E2F7: variants seen among roughly 807,000 people sequenced by gnomAD.
The protein encoded by E2F7 is transcription factor E2F7.
In E2F7, 35 loss-of-function variants were observed where a neutral mutation model predicts 81.1. The observed-to-expected ratio is 0.43, with a 90% CI of 0.33 to 0.57. The LOEUF (loss-of-function observed/expected upper bound fraction) is 0.57. Ranked by LOEUF, E2F7 falls within the 20% of genes least tolerant of loss-of-function variation. The pLI, the probability that E2F7 is intolerant of heterozygous loss-of-function variation, is 0.04. For missense variants in E2F7, 961 were observed against 1,093.7 expected (o/e 0.88, Z 1.71); for synonymous variants, 416 against 416.2 (o/e 1.00, Z 0.01).
chr12:77,050,563 T>A lies in E2F7; in HGVS notation c.538+13A>T. 6.2e-7 allele frequency: 1 copy of A among 1,611,782 alleles called. No individual in the cohort carries two copies. Among genetic ancestry groups the A allele is most frequent in the South Asian group, 1.1e-5 (1 of 90,818 alleles). On this transcript the variant is annotated intron_variant, in intron 4 of 12. Transcript: ENST00000322886. ...ACTGGAGACAGACCTCCAGGTAATC[T>A]GATGATACATACCAAGACTGACAGC...
At position 77,027,882 on chromosome 12, in the gene E2F7, C is replaced by T; in HGVS notation, c.2140+1G>A. On this transcript the variant is annotated splice_donor_variant, in intron 11 of 12. Coordinates refer to ENST00000322886, the MANE Select transcript of E2F7 (RefSeq NM_203394.3). LOFTEE classifies it high-confidence loss of function. The stretch of plus-strand genomic sequence containing the variant: ...CTCTAAGACATGATGACATCCCTTA[C>T]CTGCAGGAGACTGCACACAAAGATA... 1 of 1,613,770 alleles carries T rather than the reference C, an allele frequency of 6.2e-7. No individual in the cohort carries two copies. Among genetic ancestry groups the T allele is most frequent in the Non-Finnish European group, 8.5e-7 (1 of 1,179,910 alleles).
intron 10 of E2F7, among the ~76,000 whole-genome samples, chr12:77,028,718 C>G (rs912563466): frequency 1.3e-5 from 2 of 152,178 alleles, no homozygotes; most frequent in African/African-American, 4.8e-5. Context: ...CGGTGATCCG[C>G]CCGCCTCGGC....
chr12:77,022,780 C>T lies in E2F7; in HGVS notation c.*1235G>A, dbSNP rs1954723765. Reference sequence around the variant, plus strand: ...AGTATAGTTTGGCGACTTAATGCACCCCTAAAGTAATGTGGGTTAAAAAAG... The same window carrying T: ...AGTATAGTTTGGCGACTTAATGCACTCCTAAAGTAATGTGGGTTAAAAAAG... On this transcript the variant is annotated 3_prime_UTR_variant, in exon 13 of 13. Transcript: ENST00000322886. 1 of 152,086 alleles carries T rather than the reference C, an allele frequency of 6.6e-6. No individual in the cohort carries two copies. Among genetic ancestry groups the T allele is most frequent in the Admixed American group, 6.5e-5 (1 of 15,268 alleles). The allele number at this position is 152,086 out of a possible 1,614,324, so 9.4% of individuals were successfully genotyped here. A position where few individuals can be genotyped will look rare whatever the true frequency, so the allele number is the denominator to read the frequency against.
chr12:77,028,275 C>T (rs1398922113), intron 10 of E2F7, 137 bp from the exon 11 acceptor site: 1 of 1,135,648 alleles, frequency 8.8e-7, no homozygotes, highest in Non-Finnish European at 1.2e-6. Context: ...TCACTGCAAC[C>T]TCTGACTCCA....
intron 2 of E2F7, among the ~76,000 whole-genome samples, chr12:77,058,554 C>G (rs778995349): frequency 3.0e-4 from 46 of 152,120 alleles, no homozygotes; most frequent in Non-Finnish European, 4.4e-5. Context: ...TAGCGAGAGG[C>G]AGCATGGGGA....
chr12:77,042,342 C>A (rs183299340), intron 7 of E2F7, among the ~76,000 whole-genome samples: 2 of 152,162 alleles, frequency 1.3e-5, no homozygotes, highest in African/African-American at 2.4e-5. Context: ...TATATTTATA[C>A]GCCTGGGTTA....
At chr12:77,062,699 C>G (rs1955087787) in intron 2 of E2F7, among the ~76,000 whole-genome samples, 1 of 152,084 alleles carries the variant, frequency 6.6e-6, no homozygotes. Context: ...TGATAAAAGT[C>G]ATTGACCCAG....
intron 2 of E2F7, among the ~76,000 whole-genome samples, chr12:77,062,602 T>A (rs201247527): frequency 6.6e-6 from 1 of 151,250 alleles, no homozygotes; most frequent in South Asian, 2.1e-4. Flanking sequence ...GAGTTTTTTT[T>A]CCCCACACAC....
At position 77,024,028 on chromosome 12, in the gene E2F7, C is replaced by G; in HGVS notation, c.2723G>C (p.Gly908Ala). Residue 908 changes from glycine to alanine, a missense_variant, in exon 13 of 13, where the codon GGC becomes GCC. Around this residue, in one of 3 missense-constraint regions of E2F7, gnomAD observed 587 missense variants for 620.3 expected, o/e 0.95. Coordinates refer to ENST00000322886, the MANE Select transcript of E2F7 (RefSeq NM_203394.3). ...CAAAGCGGCAGGTTAGTCAGCGCCG[C>G]CGCTGGGGATTTCTAGTCTCCTCTG... The part of the protein sequence containing the change: ...SAQRRLEIPS[G>A]GAD 1 of 1,613,652 alleles carries G rather than the reference C, an allele frequency of 6.2e-7. No homozygotes were observed. The highest frequency in any genetic ancestry group is 8.5e-7 in the Non-Finnish European group (1 of 1,179,982).
intron 6 of E2F7, among the ~76,000 whole-genome samples, chr12:77,044,020 C>G (rs1364313760): frequency 1.3e-5 from 2 of 152,176 alleles, no homozygotes; most frequent in Admixed American, 1.3e-4. Flanking sequence ...CTGATTTTAT[C>G]TAGCTATTTC....
At chr12:77,036,373 T>C (rs1954849564) in intron 7 of E2F7, among the ~76,000 whole-genome samples, 2 of 152,020 alleles carry the variant, frequency 1.3e-5, no homozygotes, top group African/African-American at 4.8e-5. Context: ...ACTTCTTTAA[T>C]AAAAGGCTGA....
chr12:77,057,843 A>C (rs1955045119), intron 2 of E2F7, among the ~76,000 whole-genome samples: 3 of 152,194 alleles, frequency 2.0e-5, no homozygotes, highest in Admixed American at 1.3e-4. Flanking sequence ...TATAATTACA[A>C]AGGTAGATGA....
At chr12:77,027,705 G>C (rs867594365) in intron 11 of E2F7, among the ~76,000 whole-genome samples, 178 bp downstream of exon 11, 2 of 152,186 alleles carry the variant, frequency 1.3e-5, no homozygotes, top group African/African-American at 4.8e-5. Flanking sequence ...TGAAGTTGGT[G>C]AAAGTAGAAG....
intron 7 of E2F7, among the ~76,000 whole-genome samples, chr12:77,042,490 T>G (rs1954901788): frequency 6.6e-6 from 1 of 152,190 alleles, no homozygotes; most frequent in African/African-American, 2.4e-5. Context: ...GCTCATATAT[T>G]ACCCATGAAA....
Position 77,025,937 on chromosome 12 carries a change from G to C in E2F7, c.2186C>G (p.Pro729Arg). Residue 729 changes from proline (P) to arginine (R), a missense_variant, in exon 12 of 13, where the codon CCT becomes CGT. By Grantham distance (103) the Pro-to-Arg change is moderately radical. Coordinates refer to ENST00000322886, the MANE Select transcript of E2F7 (RefSeq NM_203394.3). The part of the protein sequence containing the change: ...NVLLSGSQTP[P>R]TVGPSSGQLP... ...CTGACCTGAGGACGGGCCCACAGTA[G>C]GGGGGGTTTGACTGCCAGATAAAAG... 2 of 1,613,208 alleles carry C rather than the reference G, an allele frequency of 1.2e-6. No individual in the cohort carries two copies. The highest frequency in any genetic ancestry group is 2.2e-5 in the East Asian group (1 of 44,884).
Position 77,055,920 on chromosome 12 carries a change from C to T in E2F7, c.304G>A (p.Glu102Lys). ...GGTCGGAATAGTCCCTTTTTCTTCT[C>T]CCGGTCCCTTATATCTGGGCTGGCA... ...SAASPDIRDR[E>K]KKKGLFRPIE... Residue 102 changes from glutamate (E) to lysine (K), a missense_variant, in exon 3 of 13, where the codon GAG (glutamate) becomes AAG (lysine). Physicochemically the swap from Glu to Lys is moderately conservative, Grantham distance 56. Around this residue, in one of 3 missense-constraint regions of E2F7, gnomAD observed 301 missense variants for 405.0 expected, o/e 0.74. Transcript: ENST00000322886. 6.2e-7 allele frequency: 1 copy of T among 1,613,984 alleles called. No homozygotes were observed. The highest frequency in any genetic ancestry group is 1.1e-5 in the South Asian group (1 of 91,076).
At chr12:77,040,361 G>C (rs1284007645) in intron 7 of E2F7, among the ~76,000 whole-genome samples, 1 of 152,098 alleles carries the variant, frequency 6.6e-6, no homozygotes, top group East Asian at 1.9e-4. Context: ...GTGAAAAAGT[G>C]GCACTAAAAA....
chr12:77,027,447 C>T lies in E2F7; in HGVS notation c.2140+436G>A, dbSNP rs1484634890. On this transcript the variant is annotated intron_variant, in intron 11 of 12. Coordinates refer to ENST00000322886, the MANE Select transcript of E2F7 (RefSeq NM_203394.3). Reference sequence around the variant, plus strand: ...TGAGGATGAAGAATACTTAAGTTCACGCAGATAATAAGTGGTTTTAAATGT... The same window carrying T: ...TGAGGATGAAGAATACTTAAGTTCATGCAGATAATAAGTGGTTTTAAATGT... Among the ~76,000 whole-genome samples the T allele has an allele frequency of 2.6e-5, 4 of 152,286 alleles. No individual in the cohort carries two copies. The East Asian group carries it at 5.8e-4, about 22-fold the overall frequency.
intron 10 of E2F7, among the ~76,000 whole-genome samples, chr12:77,028,417 C>T (rs932739898): frequency 4.6e-5 from 7 of 151,960 alleles, no homozygotes; most frequent in African/African-American, 1.7e-4. Flanking sequence ...GTCTCGAACT[C>T]CTGACCTCAG....
Sources: allele counts gnomAD v4.1 joint callset (sites outside exome capture counted in the v4.1 genomes callset), GRCh38; gene constraint gnomAD v4.1.1; regional missense constraint gnomAD v4.1.1; transcripts MANE v1.5; gene names NCBI Gene and HGNC (gene_info 2026-07-23, HGNC 2026-07-21).